The following UNC13A variants were observed in gnomAD, a reference collection of about 807,000 sequenced individuals.
UNC13A encodes the protein unc-13 homolog A, also known as protein unc-13 homolog A.
UNC13A carries 61 observed loss-of-function variants against 219.7 expected under a neutral mutation model. The observed-to-expected ratio is 0.28, with a 90% CI of 0.23 to 0.34. UNC13A has a LOEUF of 0.34. Among genes scored for constraint, UNC13A ranks in the 10% least tolerant of loss-of-function variants. UNC13A has a pLI of 1.00. For missense variants in UNC13A, 1,476 were observed against 2,270.3 expected, an observed-to-expected ratio of 0.65 and a Z score of 7.11; for synonymous variants, 920 against 884.6, an observed-to-expected ratio of 1.04 and a Z score of -0.71.
At chr19:17,651,923 TAA>T (rs2145855983) in intron 12 of UNC13A, among the ~76,000 whole-genome samples, 1 of 152,178 alleles carries the variant, frequency 6.6e-6, no homozygotes, top group Admixed American at 6.5e-5. Context: ...ATCCATAACA[TAA>T]GAGGTTAGAC....
intron 41 of UNC13A, among the ~76,000 whole-genome samples, chr19:17,615,592 T>C (rs1463033611): frequency 6.6e-6 from 1 of 151,780 alleles, no homozygotes; most frequent in African/African-American, 2.4e-5. Context: ...GGCACAAGAA[T>C]CGCTTGAAAC....
At chr19:17,658,562 G>C (rs1184178831) in intron 8 of UNC13A, among the ~76,000 whole-genome samples, 1 of 152,172 alleles carries the variant, frequency 6.6e-6, no homozygotes, top group African/African-American at 2.4e-5. Flanking sequence ...GCTCAAATGT[G>C]AAGAACAACT....
Position 17,623,560 on chromosome 19 carries a change from ATGGGGGCGGGGCGG to A in UNC13A, c.4198-27_4198-14del. On this transcript the variant is annotated splice_polypyrimidine_tract_variant and intron_variant, in intron 35 of 43. Transcript: ENST00000519716. ...TACTTACGATCATCTGTCATCCGTG[ATGGGGGCGGGGCGG>A]TGGGGGAGGGGGGAATAAGGTACCA... 1 of 537,826 alleles carries A rather than the reference ATGGGGGCGGGGCGG, an allele frequency of 1.9e-6. No individual in the cohort carries two copies. Among genetic ancestry groups the A allele is most frequent in the Non-Finnish European group, 2.8e-6 (1 of 351,046 alleles). 33.3% of individuals were successfully genotyped at this position (537,826 alleles called of 1,614,324 possible).
chr19:17,609,793 C>A, intron 43 of UNC13A, 147 bp downstream of exon 43: 1 of 1,149,188 alleles, frequency 8.7e-7, no homozygotes, highest in South Asian at 1.5e-5. Flanking sequence ...ACTAAGGGGT[C>A]TCCCTTTCCA....
chr19:17,656,218 G>A lies in UNC13A; in HGVS notation c.948C>T (p.Arg316=). ...SSVSYHKDSP[R]WDQDEEELEE... is the part of the protein sequence containing the mutation. ...CCAGCTCTTCCTCATCCTGGTCCCA[G>A]CGAGGCGAGTCTTTGTGGTAGCTGA... The change falls in exon 10 of 44, where the codon CGC becomes CGT. Residue 316 remains arginine, a synonymous_variant. Transcript: ENST00000519716. 6.4e-7 allele frequency: 1 copy of A among 1,552,224 alleles called. No individual in the cohort carries two copies. Among genetic ancestry groups the A allele is most frequent in the Non-Finnish European group, 8.7e-7 (1 of 1,147,124 alleles).
chr19:17,640,720 C>G (rs2076959432), intron 21 of UNC13A, 59 bp from the exon 22 acceptor site: 4 of 1,485,230 alleles, frequency 2.7e-6, no homozygotes, highest in Non-Finnish European at 3.6e-6. Flanking sequence ...GACCAAGATC[C>G]CCCCTAGAAT....
chr19:17,688,307 A>ACGCCGGGGCCCGGC lies in UNC13A; in HGVS notation c.-122_-109dup. 1 of 1,329,036 alleles carries ACGCCGGGGCCCGGC rather than the reference A, an allele frequency of 7.5e-7. No homozygotes were observed. The highest frequency in any genetic ancestry group is 9.6e-7 in the Non-Finnish European group (1 of 1,038,928). 82.3% of individuals were successfully genotyped at this position (1,329,036 alleles called of 1,614,324 possible). On this transcript the variant is annotated 5_prime_UTR_variant, in exon 1 of 44. It removes the in-frame stop codon of an upstream open reading frame in the 5' UTR. Transcript: ENST00000519716. ...CCCGGCTGCAGCCCGCGCTTGGCTC[A>ACGCCGGGGCCCGGC]CGCCGGGGCCCGGCCGCCACCGGCC...
Position 17,655,890 on chromosome 19 carries a change from C to T in UNC13A, c.1276G>A (p.Glu426Lys), listed in dbSNP as rs564614471. 7.2e-6 allele frequency: 11 copies of T among 1,519,268 alleles called. No individual in the cohort carries two copies. The highest frequency in any genetic ancestry group is 5.3e-5 in the South Asian group (4 of 75,016). 94.1% of individuals were successfully genotyped at this position (1,519,268 alleles called of 1,614,324 possible). A position where few individuals can be genotyped will look rare whatever the true frequency, so the allele number is the denominator to read the frequency against. ...QIPEAEPPKD[E>K]ESFRPREDEE... ...TTGGCCCCGTCCTGTTACCTCTCCT[C>T]GTCCTTGGGTGGCTCAGCCTCAGGG... Residue 426 changes from glutamate to lysine, a missense_variant, in exon 10 of 44, where the codon GAG becomes AAG. Physicochemically the swap from Glu to Lys is moderately conservative, Grantham distance 56. This residue lies in a region of UNC13A where 351 missense variants were observed against 342.6 expected (regional missense o/e 1.02). Coordinates refer to ENST00000519716, the MANE Select transcript of UNC13A (RefSeq NM_001080421.3).
At position 17,609,978 on chromosome 19, in the gene UNC13A, G is replaced by A. The variant is rs1232883583; in HGVS notation, c.4773C>T (p.Asn1591=). The part of the protein sequence containing the change: ...KKRKFATKSK[N]NSWAPKYNES... Reference sequence around the variant, plus strand: ...CATTGTACTTGGGAGCCCAGCTATTGTTCTTGGATTTGGTCGCAAACTTGC... The same window carrying A: ...CATTGTACTTGGGAGCCCAGCTATTATTCTTGGATTTGGTCGCAAACTTGC... Residue 1591 remains asparagine, a synonymous_variant, in exon 43 of 44, where the codon AAC becomes AAT. Coordinates refer to ENST00000519716, the MANE Select transcript of UNC13A (RefSeq NM_001080421.3). 1.2e-6 allele frequency: 2 copies of A among 1,613,992 alleles called. No individual in the cohort carries two copies. Among genetic ancestry groups the A allele is most frequent in the East Asian group, 2.2e-5 (1 of 44,882 alleles).
At chr19:17,629,069 CT>C (rs2076814683) in intron 31 of UNC13A, among the ~76,000 whole-genome samples, 170 bp downstream of exon 31, 1 of 152,128 alleles carries the variant, frequency 6.6e-6, no homozygotes, top group Admixed American at 6.6e-5. Flanking sequence ...ACTAGATACA[CT>C]CTGATCACAC....
At position 17,649,472 on chromosome 19, in the gene UNC13A, C is replaced by G; in HGVS notation, c.1518+37G>C. ...AGGTTGTGCACTGCTTATAGCAGGC[C>G]TGCTCTGCTCAGGGAGTAAAGGGCG... On this transcript the variant is annotated intron_variant, in intron 13 of 43. Transcript: ENST00000519716. This position sits in a 1 kb window ranked among gnomAD's most constrained non-coding sequence, Gnocchi z 4.4. The G allele has an allele frequency of 6.2e-7, 1 of 1,613,908 alleles. No individual in the cohort carries two copies. The highest frequency in any genetic ancestry group is 8.5e-7 in the Non-Finnish European group (1 of 1,179,854).
chr19:17,661,007 T>C (rs2072120821), intron 8 of UNC13A, among the ~76,000 whole-genome samples: 1 of 151,678 alleles, frequency 6.6e-6, no homozygotes, highest in Non-Finnish European at 1.5e-5. Context: ...AGCACAATCA[T>C]GGCTCACTGC....
intron 1 of UNC13A, among the ~76,000 whole-genome samples, chr19:17,686,851 G>A (rs1349972413): frequency 2.6e-5 from 4 of 152,002 alleles, no homozygotes; most frequent in Non-Finnish European, 5.9e-5. Context: ...GGGCGGCGGG[G>A]GCGGTTCCCG....
rs545216755 is a variant in UNC13A, at chr19:17,612,968, A to G, written c.4559-1113T>C. On this transcript the variant is annotated intron_variant, in intron 41 of 43. Transcript: ENST00000519716. ...GTAACCCCAGTACTTTGGGAGGCTC[A>G]TGCTTGTAATCCTAGCATTTTGGGA... 5.3e-5 allele frequency among the ~76,000 whole-genome samples: 8 copies of G among 152,288 alleles called. No homozygotes were observed. In the East Asian group the frequency reaches 1.5e-3, roughly 29 times the overall value.
chr19:17,648,290 T>G (rs1420791308), intron 16 of UNC13A, 141 bp downstream of exon 16: 6 of 321,400 alleles, frequency 1.9e-5, no homozygotes, highest in Admixed American at 1.7e-4. Context: ...AGCGAGTCCC[T>G]CCCCTGCCTC....
At chr19:17,620,593 G>A (rs12979181) in intron 38 of UNC13A, 100 bp downstream of exon 38, 3 of 1,019,052 alleles carry the variant, frequency 2.9e-6, no homozygotes, top group Admixed American at 2.3e-5. Context: ...TTCACAGTAC[G>A]CCCTCGGACG....
Position 17,648,612 on chromosome 19 carries a change from G to A in UNC13A, c.1635C>T (p.Ile545=). The A allele has an allele frequency of 6.2e-7, 1 of 1,612,578 alleles. No homozygotes were observed. The highest frequency in any genetic ancestry group is 2.2e-5 in the East Asian group (1 of 44,828). ...HVYKKTLQAL[I]YPISCTTPHN... is the part of the protein sequence containing the mutation. ...GTGGCGTCGTGCACGAGATGGGGTAGATTAAGGCTTGCAGGGTCTTCTTGT... is the reference window on the plus strand; with the variant it reads ...GTGGCGTCGTGCACGAGATGGGGTAAATTAAGGCTTGCAGGGTCTTCTTGT... The change falls in exon 16 of 44, where the codon ATC becomes ATT. Residue 545 remains isoleucine (I), a synonymous_variant. Coordinates refer to ENST00000519716, the MANE Select transcript of UNC13A (RefSeq NM_001080421.3).
intron 8 of UNC13A, among the ~76,000 whole-genome samples, chr19:17,658,774 C>T (rs1425020902): frequency 2.6e-5 from 4 of 152,106 alleles, no homozygotes; most frequent in Non-Finnish European, 5.9e-5. Context: ...AACAAATATG[C>T]AAGAACCAAG....
intron 7 of UNC13A, 120 bp downstream of exon 7, chr19:17,666,530 A>T: frequency 1.5e-6 from 1 of 682,488 alleles, no homozygotes; most frequent in East Asian, 3.3e-5. Flanking sequence ...CTGTAAGTGG[A>T]CACTGCACTC....
Sources: gnomAD v4.1 joint callset for allele counts (sites outside exome capture counted in the v4.1 genomes callset) on GRCh38, gnomAD v4.1.1 for gene constraint, gnomAD v4.1.1 regional missense constraint, Gnocchi (gnomAD v3.1) non-coding constraint, MANE v1.5 for transcripts, NCBI Gene and HGNC (gene_info 2026-07-23, HGNC 2026-07-21) for gene names.